TOM1L1: variants seen among roughly 807,000 people sequenced by gnomAD.
The protein encoded by TOM1L1 is target of myb1 like 1 membrane trafficking protein, also known as TOM1-like protein 1.
Under a neutral mutation model 63.4 loss-of-function variants are expected in TOM1L1, and 64 were observed. That is an observed-to-expected ratio of 1.01 (90% CI 0.83 to 1.24). The LOEUF is 1.24. Ranked by LOEUF, TOM1L1 falls within the 50% of genes most tolerant of loss-of-function variation. The pLI is 0.00. For missense variants in TOM1L1, 536 were observed against 567.0 expected (o/e 0.95, Z 0.55); for synonymous variants, 166 against 194.4 (o/e 0.85, Z 1.22).
intron 11 of TOM1L1, among the ~76,000 whole-genome samples, chr17:54,945,279 G>A (rs34047392): frequency 0.23 from 34,800 of 151,948 alleles, 4,463 homozygotes; most frequent in South Asian, 0.31. Flanking sequence ...AGTTACATTT[G>A]CAAAGACCAT....
intron 11 of TOM1L1, among the ~76,000 whole-genome samples, chr17:54,943,592 TACAC>T (rs1371906657): frequency 1.3e-5 from 2 of 151,942 alleles, no homozygotes; most frequent in East Asian, 1.9e-4. Context: ...TATATACATG[TACAC>T]ACACACATAT....
chr17:54,936,710 G>T lies in TOM1L1; in HGVS notation c.915+1G>T, dbSNP rs776158812. The T allele has an allele frequency of 6.8e-6, 11 of 1,606,538 alleles. No individual in the cohort carries two copies. Among genetic ancestry groups the T allele is most frequent in the Non-Finnish European group, 9.3e-6 (11 of 1,177,698 alleles). On this transcript the variant is annotated splice_donor_variant, in intron 9 of 15. Transcript: ENST00000575882. LOFTEE classifies it high-confidence loss of function. ...TAAGAACCAGAAGGAAGCCACCAAT[G>T]TAAGTGATGAGAAATGTTATAAAAT...
intron 9 of TOM1L1, among the ~76,000 whole-genome samples, 188 bp downstream of exon 9, chr17:54,936,897 G>A (rs1303423302): frequency 7.2e-5 from 11 of 152,050 alleles, no homozygotes. Flanking sequence ...AACTGTTAAT[G>A]TAATGTAAAG....
chr17:54,916,174 A>T, intron 7 of TOM1L1: 2 of 401,446 alleles, frequency 5.0e-6, no homozygotes, highest in Admixed American at 8.4e-5. Flanking sequence ...CTCAACAAAC[A>T]TTGAGTAACT....
chr17:54,944,882 TTTTG>T (rs1212504810), intron 11 of TOM1L1, among the ~76,000 whole-genome samples: 5 of 152,244 alleles, frequency 3.3e-5, no homozygotes, highest in Non-Finnish European at 7.3e-5. Flanking sequence ...TATGGATTTC[TTTTG>T]TTTCTTTCTC....
Position 54,906,427 on chromosome 17 carries a change from C to A in TOM1L1, c.222+860C>A, listed in dbSNP as rs1391843853. On this transcript the variant is annotated intron_variant, in intron 3 of 15. Transcript: ENST00000575882. ...GAGATTGCGGTGAGTCGAGATCGCA[C>A]CACTGTCCTCCAGTCCTCCAGCTTG... Among the ~76,000 whole-genome samples, 3 of 150,762 alleles carry A rather than the reference C, an allele frequency of 2.0e-5. No homozygotes were observed. In the South Asian group the frequency reaches 6.3e-4, roughly 32 times the overall value.
intron 14 of TOM1L1, among the ~76,000 whole-genome samples, chr17:54,960,120 TG>T (rs2077077524): frequency 6.6e-6 from 1 of 152,014 alleles, no homozygotes; most frequent in East Asian, 1.9e-4. Flanking sequence ...CCCAGCACTT[TG>T]GGAGGCCGAG....
At chr17:54,906,127 G>A (rs2048404601) in intron 3 of TOM1L1, among the ~76,000 whole-genome samples, 1 of 151,964 alleles carries the variant, frequency 6.6e-6, no homozygotes, top group Admixed American at 6.6e-5. Flanking sequence ...CTATGATCAT[G>A]CCACTGCAAC....
chr17:54,952,991 C>T (rs1235384699), intron 14 of TOM1L1: 2 of 152,174 alleles, frequency 1.3e-5, no homozygotes, highest in African/African-American at 4.8e-5. Context: ...TCTTTTATTT[C>T]CTTTATGAGA....
intron 5 of TOM1L1, 25 bp downstream of exon 5, chr17:54,913,898 G>A: frequency 6.3e-7 from 1 of 1,595,124 alleles, no homozygotes; most frequent in Non-Finnish European, 8.6e-7. Context: ...TTTGACCCAT[G>A]GAGACTATAG....
chr17:54,911,984 A>G (rs1025606533), intron 3 of TOM1L1, among the ~76,000 whole-genome samples: 3 of 152,100 alleles, frequency 2.0e-5, no homozygotes, highest in South Asian at 2.1e-4. Flanking sequence ...AGTGTCCCCA[A>G]TTTACCTATA....
intron 8 of TOM1L1, chr17:54,936,443 A>G: frequency 4.5e-6 from 2 of 440,640 alleles, no homozygotes; most frequent in Non-Finnish European, 8.1e-6. Flanking sequence ...TTTTTTAAAT[A>G]CTTTTCTATT....
At chr17:54,938,255 A>G (rs992247641) in intron 10 of TOM1L1, among the ~76,000 whole-genome samples, 1 of 152,134 alleles carries the variant, frequency 6.6e-6, no homozygotes, top group Non-Finnish European at 1.5e-5. Flanking sequence ...GCACTTTGGG[A>G]GGCCGAGTCA....
chr17:54,949,972 A>G (rs775544072), intron 13 of TOM1L1, 73 bp from the exon 14 acceptor site: 18 of 1,214,248 alleles, frequency 1.5e-5, no homozygotes, highest in Middle Eastern at 3.8e-4. Context: ...AGTCTAAATT[A>G]TAAAAAGAAT....
intron 8 of TOM1L1, among the ~76,000 whole-genome samples, chr17:54,931,859 T>C (rs1239441997): frequency 6.6e-6 from 1 of 151,994 alleles, no homozygotes; most frequent in Non-Finnish European, 1.5e-5. Flanking sequence ...TCCTTCACTG[T>C]CTCATATTTA....
rs201932644 is a variant in TOM1L1 at position 54,928,367 on chromosome 17, C to A, written c.721-1706C>A. Among the ~76,000 whole-genome samples the A allele has an allele frequency of 9.5e-3, 1,417 of 148,450 alleles. 5 individuals are homozygous for A. The highest frequency in any genetic ancestry group is 0.015 in the Non-Finnish European group (975 of 66,944). On this transcript the variant is annotated intron_variant, in intron 7 of 15. Coordinates refer to ENST00000575882, the MANE Select transcript of TOM1L1 (RefSeq NM_005486.3). ...CCTTGTATTATAGATGGAAAAAAACCAAAAAAAAACAAAACAACAACAACA... is the reference window on the plus strand; with the variant it reads ...CCTTGTATTATAGATGGAAAAAAACAAAAAAAAAACAAAACAACAACAACA...
intron 8 of TOM1L1, among the ~76,000 whole-genome samples, chr17:54,933,246 T>C (rs948380667): frequency 8.5e-5 from 13 of 152,166 alleles, no homozygotes; most frequent in Admixed American, 6.6e-4. Flanking sequence ...AAGCCAACCA[T>C]GTCTAGTTCA....
chr17:54,944,319 G>A (rs1332394843), intron 11 of TOM1L1, among the ~76,000 whole-genome samples: 1 of 151,814 alleles, frequency 6.6e-6, no homozygotes, highest in East Asian at 2.0e-4. Context: ...GCGTGGTGGT[G>A]CGCATCTGTA....
chr17:54,924,428 C>T (rs536664131), intron 7 of TOM1L1, among the ~76,000 whole-genome samples: 62 of 151,878 alleles, frequency 4.1e-4, no homozygotes, highest in African/African-American at 1.4e-3. Flanking sequence ...TACAGGTGCC[C>T]GCCACCATGC....
Sources: gnomAD v4.1 joint callset for allele counts (sites outside exome capture counted in the v4.1 genomes callset) on GRCh38, gnomAD v4.1.1 for gene constraint, MANE v1.5 for transcripts, NCBI Gene and HGNC (gene_info 2026-07-23, HGNC 2026-07-21) for gene names.